ERC2: variants seen among roughly 807,000 people sequenced by gnomAD.
The protein encoded by ERC2 is ERC protein 2.
ERC2 carries 42 observed loss-of-function variants against 114.8 expected under a neutral mutation model. That is an observed-to-expected ratio of 0.37 (90% CI 0.29 to 0.47). The LOEUF is 0.47. ERC2 is among the 20% of genes least tolerant of loss of function. The pLI, the probability that ERC2 is intolerant of heterozygous loss-of-function variation, is 0.99. For synonymous variants in ERC2, 454 were observed against 425.5 expected (o/e 1.07, Z -0.82); for missense variants, 939 against 1,150.7 (o/e 0.82, Z 2.66).
At position 56,150,020 on chromosome 3, in the gene ERC2, A is replaced by G. The variant is rs149743948; in HGVS notation, c.1150-888T>C. 2.7e-3 allele frequency among the ~76,000 whole-genome samples: 407 copies of G among 152,324 alleles called. 1 individual carries two copies. Among genetic ancestry groups the G allele is most frequent in the Non-Finnish European group, 4.1e-3 (279 of 68,010 alleles). ...CCACAACAGTAAGTATTAGGCTTCAATCGGTCTTTGAAATGAAAGTTTGAC... is the reference window on the plus strand; with the variant it reads ...CCACAACAGTAAGTATTAGGCTTCAGTCGGTCTTTGAAATGAAAGTTTGAC... On this transcript the variant is annotated intron_variant, in intron 4 of 17. Coordinates refer to ENST00000288221, the MANE Select transcript of ERC2 (RefSeq NM_015576.3).
intron 6 of ERC2, among the ~76,000 whole-genome samples, chr3:56,099,648 C>T (rs17825201): frequency 0.17 from 25,845 of 152,070 alleles, 2,376 homozygotes; most frequent in African/African-American, 0.23. Flanking sequence ...GGGCCATGTG[C>T]GAGTTGCCAG....
chr3:55,713,252 C>A (rs1290074406), intron 15 of ERC2, among the ~76,000 whole-genome samples: 1 of 151,604 alleles, frequency 6.6e-6, no homozygotes, highest in Non-Finnish European at 1.5e-5. Context: ...CTCTTGTTGC[C>A]CAGGCTGGAG....
chr3:55,691,576 ATAT>A (rs2062668055), intron 16 of ERC2, among the ~76,000 whole-genome samples: 5 of 53,350 alleles, frequency 9.4e-5, no homozygotes, highest in African/African-American at 4.3e-4. Context: ...AAAAAAAAAT[ATAT>A]ATATATATAT....
At chr3:56,086,540 T>A (rs769889335) in intron 6 of ERC2, among the ~76,000 whole-genome samples, 4 of 151,628 alleles carry the variant, frequency 2.6e-5, no homozygotes, top group Middle Eastern at 3.2e-3. Flanking sequence ...CACAGGCAAT[T>A]CACAAGCAAC....
chr3:55,650,200 G>A (rs189725132), intron 17 of ERC2, among the ~76,000 whole-genome samples: 33 of 152,270 alleles, frequency 2.2e-4, no homozygotes, highest in Admixed American at 7.2e-4. Context: ...ACCCCACCAC[G>A]GTGATTGTCA....
intron 13 of ERC2, among the ~76,000 whole-genome samples, chr3:55,923,174 C>T (rs1218380754): frequency 6.6e-6 from 1 of 152,082 alleles, no homozygotes; most frequent in Non-Finnish European, 1.5e-5. Context: ...GTGATATATA[C>T]ATGCAATGGA....
At chr3:55,636,531 T>G (rs2059964479) in intron 17 of ERC2, among the ~76,000 whole-genome samples, 1 of 152,224 alleles carries the variant, frequency 6.6e-6, no homozygotes, top group Admixed American at 6.5e-5. Context: ...TAATTACATG[T>G]GTTCAATGAA....
chr3:56,314,352 A>T (rs2056765045), intron 2 of ERC2, among the ~76,000 whole-genome samples: 1 of 152,208 alleles, frequency 6.6e-6, no homozygotes, highest in Non-Finnish European at 1.5e-5. Flanking sequence ...ATGATAACAC[A>T]TGCCCAATAC....
intron 12 of ERC2, among the ~76,000 whole-genome samples, chr3:55,982,886 CAG>C (rs1453661103): frequency 2.0e-5 from 3 of 152,198 alleles, no homozygotes; most frequent in Non-Finnish European, 4.4e-5. Flanking sequence ...ATTGAAAACA[CAG>C]TGTTCAGCTT....
At chr3:56,193,690 A>G (rs1269412642) in intron 3 of ERC2, among the ~76,000 whole-genome samples, 1 of 152,186 alleles carries the variant, frequency 6.6e-6, no homozygotes, top group Non-Finnish European at 1.5e-5. Flanking sequence ...TCATCATGAC[A>G]AGAAACTGAT....
At chr3:55,676,177 CCTCCCAAAGTG>C (rs2061800602) in intron 17 of ERC2, among the ~76,000 whole-genome samples, 1 of 151,648 alleles carries the variant, frequency 6.6e-6, no homozygotes, top group African/African-American at 2.4e-5. Context: ...TCCGCCTTGG[CCTCCCAAAGTG>C]CTTGGATTAC....
intron 1 of ERC2, among the ~76,000 whole-genome samples, chr3:56,454,634 G>A (rs1320988268): frequency 2.0e-5 from 3 of 152,128 alleles, no homozygotes; most frequent in Non-Finnish European, 4.4e-5. Flanking sequence ...TGGATTATAT[G>A]AGGCCAGGAG....
At chr3:55,579,237 T>C (rs1203793994) in intron 17 of ERC2, among the ~76,000 whole-genome samples, 2 of 152,200 alleles carry the variant, frequency 1.3e-5, no homozygotes, top group Admixed American at 1.3e-4. Context: ...CAGACCTCAA[T>C]GAGCACTTGC....
intron 17 of ERC2, among the ~76,000 whole-genome samples, chr3:55,637,028 G>A (rs1247200500): frequency 3.3e-5 from 5 of 152,142 alleles, no homozygotes. Flanking sequence ...TCTCACAGGT[G>A]TGCCCGTTCA....
intron 3 of ERC2, among the ~76,000 whole-genome samples, chr3:56,286,094 A>T (rs1279258460): frequency 6.6e-6 from 1 of 152,198 alleles, no homozygotes; most frequent in East Asian, 1.9e-4. Flanking sequence ...ATCAGAGATC[A>T]AAACTACAGA....
At chr3:56,255,247 C>G (rs2052438903) in intron 3 of ERC2, among the ~76,000 whole-genome samples, 1 of 152,134 alleles carries the variant, frequency 6.6e-6, no homozygotes, top group Non-Finnish European at 1.5e-5. Flanking sequence ...TAGCTGGTGC[C>G]ATCTACATTT....
intron 12 of ERC2, among the ~76,000 whole-genome samples, chr3:55,961,204 C>G (rs993309052): frequency 6.6e-6 from 1 of 152,188 alleles, no homozygotes; most frequent in African/African-American, 2.4e-5. Flanking sequence ...TCACCCTACT[C>G]CCCCAAGCTA....
At chr3:56,204,244 G>C (rs906468205) in intron 3 of ERC2, among the ~76,000 whole-genome samples, 1 of 152,132 alleles carries the variant, frequency 6.6e-6, no homozygotes, top group Non-Finnish European at 1.5e-5. Flanking sequence ...GTTGCTCTAA[G>C]TGCCATGAGG....
chr3:56,040,613 T>C (rs369209429), intron 7 of ERC2, among the ~76,000 whole-genome samples: 4 of 876 alleles, frequency 4.6e-3, no homozygotes, highest in Non-Finnish European at 8.1e-3. Context: ...GTATATATAA[T>C]ATATAGATGT....
Sources: gnomAD v4.1 joint callset for allele counts (sites outside exome capture counted in the v4.1 genomes callset) on GRCh38, gnomAD v4.1.1 for gene constraint, MANE v1.5 for transcripts, NCBI Gene and HGNC (gene_info 2026-07-23, HGNC 2026-07-21) for gene names.